KCNK2: variants seen among roughly 807,000 people sequenced by gnomAD.
KCNK2 encodes potassium two pore domain channel subfamily K member 2.
Under a neutral mutation model 40.5 loss-of-function variants are expected in KCNK2, and 21 were observed. The observed-to-expected ratio is 0.52, with a 90% confidence interval of 0.37 to 0.75. The LOEUF is 0.75. Ranked by LOEUF, KCNK2 falls within the 30% of genes least tolerant of loss-of-function variation. KCNK2 has a pLI of 0.00. For synonymous variants in KCNK2, 191 were observed against 202.2 expected (o/e 0.94, Z 0.47); for missense variants, 399 against 531.6 (o/e 0.75, Z 2.45).
chr1:215,181,264 T>G (rs1664205896), intron 5 of KCNK2, among the ~76,000 whole-genome samples: 1 of 152,182 alleles, frequency 6.6e-6, no homozygotes, highest in South Asian at 2.1e-4. Context: ...TAGATTGTTT[T>G]AGAAATTTCT....
chr1:215,235,197 C>A lies in KCNK2; in HGVS notation c.*52C>A. On this transcript the variant is annotated 3_prime_UTR_variant, in exon 7 of 7. Coordinates refer to ENST00000444842, the MANE Select transcript of KCNK2 (RefSeq NM_001017425.3). ...AGCCATAGGTGAGGACTTCTCTATGCTCTTTATGACTGTTGCTGGTAGCAT... is the reference window on the plus strand; with the variant it reads ...AGCCATAGGTGAGGACTTCTCTATGATCTTTATGACTGTTGCTGGTAGCAT... 2 of 1,428,572 alleles carry A rather than the reference C, an allele frequency of 1.4e-6. No homozygotes were observed. The highest frequency in any genetic ancestry group is 9.6e-7 in the Non-Finnish European group (1 of 1,046,598). 88.5% of individuals were successfully genotyped at this position (1,428,572 alleles called of 1,614,324 possible).
At chr1:215,157,662 A>C (rs1258819935) in intron 3 of KCNK2, among the ~76,000 whole-genome samples, 1 of 152,140 alleles carries the variant, frequency 6.6e-6, no homozygotes, top group Admixed American at 6.5e-5. Context: ...TGATAGTACT[A>C]TTTTACTTAA....
intron 1 of KCNK2, among the ~76,000 whole-genome samples, chr1:215,064,807 A>G (rs191860039): frequency 2.0e-4 from 31 of 152,280 alleles, no homozygotes; most frequent in Middle Eastern, 3.4e-3. Flanking sequence ...CCTATCTTGT[A>G]ATTATATTAT....
chr1:215,185,725 C>A (rs1187627038), intron 5 of KCNK2, among the ~76,000 whole-genome samples: 1 of 152,152 alleles, frequency 6.6e-6, no homozygotes, highest in African/African-American at 2.4e-5. Context: ...CTAACTTGAA[C>A]CTCCTCATCT....
intron 1 of KCNK2, among the ~76,000 whole-genome samples, chr1:215,056,956 A>C (rs1269874094): frequency 1.3e-5 from 2 of 152,230 alleles, no homozygotes; most frequent in Non-Finnish European, 2.9e-5. Flanking sequence ...TAGGAATAAT[A>C]TGAGTATTTA....
chr1:215,125,920 G>C (rs1381718370), intron 3 of KCNK2, among the ~76,000 whole-genome samples: 3 of 151,672 alleles, frequency 2.0e-5, no homozygotes, highest in African/African-American at 7.3e-5. Context: ...GCTCATCATA[G>C]TTATGAAGGA....
intron 1 of KCNK2, among the ~76,000 whole-genome samples, chr1:215,006,589 C>A (rs182709574): frequency 3.9e-5 from 6 of 152,056 alleles, no homozygotes; most frequent in Non-Finnish European, 8.8e-5. Context: ...CACAAGAATA[C>A]TGTTGTGGTC....
At chr1:215,202,651 T>C (rs1043987814) in intron 6 of KCNK2, among the ~76,000 whole-genome samples, 3 of 152,146 alleles carry the variant, frequency 2.0e-5, no homozygotes, top group African/African-American at 7.2e-5. Context: ...AAAAATGAAA[T>C]AGGACTTGAA....
chr1:215,065,429 GAAGTT>G (rs993841811), intron 1 of KCNK2, among the ~76,000 whole-genome samples: 25 of 152,208 alleles, frequency 1.6e-4, no homozygotes, highest in African/African-American at 6.0e-4. Flanking sequence ...AGGAAGAAGT[GAAGTT>G]AAGCATCAAA....
At chr1:215,022,754 C>T (rs1255105587) in intron 1 of KCNK2, among the ~76,000 whole-genome samples, 1 of 152,124 alleles carries the variant, frequency 6.6e-6, no homozygotes, top group African/African-American at 2.4e-5. Context: ...TCTAATCTGC[C>T]TTCTCCCTGA....
At position 215,034,089 on chromosome 1, in the gene KCNK2, G is replaced by A. The variant is rs184438096; in HGVS notation, c.34+28134G>A. Among the ~76,000 whole-genome samples the A allele has an allele frequency of 6.3e-4, 96 of 152,212 alleles. 1 individual carries two copies. In the South Asian group the frequency reaches 6.6e-3, roughly 11 times the overall value. The stretch of plus-strand genomic sequence containing the variant: ...CTCTTGTTGTTCTCTCCAATTTAGG[G>A]GGAATTGGTTTGTTCCATGATCTCA... On this transcript the variant is annotated intron_variant, in intron 1 of 6. Coordinates refer to the KCNK2 transcript ENST00000391895.
At chr1:215,208,972 C>A (rs1253079676) in intron 6 of KCNK2, among the ~76,000 whole-genome samples, 1 of 151,606 alleles carries the variant, frequency 6.6e-6, no homozygotes, top group Non-Finnish European at 1.5e-5. Context: ...GGATTACAGA[C>A]ACCTGCCACC....
upstream of KCNK2, among the ~76,000 whole-genome samples, chr1:215,081,243 G>A (rs1659145061): frequency 6.6e-6 from 1 of 151,626 alleles, no homozygotes; most frequent in Non-Finnish European, 1.5e-5. Context: ...AAATACCTTA[G>A]TCATGTAAAG....
At chr1:215,044,941 CG>C (rs1271936140) in intron 1 of KCNK2, among the ~76,000 whole-genome samples, 1 of 151,932 alleles carries the variant, frequency 6.6e-6, no homozygotes, top group Non-Finnish European at 1.5e-5. Flanking sequence ...GAGGCCTAGG[CG>C]GGTGGATCAC....
chr1:215,020,975 A>G (rs761909068), intron 1 of KCNK2, among the ~76,000 whole-genome samples: 1 of 152,144 alleles, frequency 6.6e-6, no homozygotes, highest in Non-Finnish European at 1.5e-5. Flanking sequence ...AAAAAATTCA[A>G]TCGTGGTGGG....
intron 1 of KCNK2, among the ~76,000 whole-genome samples, chr1:215,075,232 T>G (rs953855340): frequency 4.6e-5 from 7 of 152,234 alleles, no homozygotes; most frequent in Admixed American, 3.9e-4. Flanking sequence ...TATATGTTTG[T>G]TTTAATGTAA....
At chr1:215,160,873 T>G (rs1170007170) in intron 3 of KCNK2, among the ~76,000 whole-genome samples, 3 of 152,142 alleles carry the variant, frequency 2.0e-5, no homozygotes, top group African/African-American at 7.2e-5. Flanking sequence ...CCATATTCTG[T>G]GGCTCTCTCC....
rs376613155 is a variant in KCNK2 at position 215,199,300 on chromosome 1, C to T, written c.963+4208C>T. 1.8e-4 allele frequency among the ~76,000 whole-genome samples: 28 copies of T among 152,112 alleles called. 2 individuals are homozygous for T. In the South Asian group the frequency reaches 5.8e-3, roughly 32 times the overall value. The stretch of plus-strand genomic sequence containing the variant: ...CTCCAGCCTGGGTGACAGAGCAAGA[C>T]TCCATCTCCAAAAAAATAAAAATAA... On this transcript the variant is annotated intron_variant, in intron 6 of 6. Transcript: ENST00000444842.
chr1:215,039,904 C>T (rs763556886), intron 1 of KCNK2, among the ~76,000 whole-genome samples: 4 of 151,998 alleles, frequency 2.6e-5, no homozygotes, highest in South Asian at 2.1e-4. Flanking sequence ...TGTTGCCTTC[C>T]GGGAGAGTGG....
Sources: gnomAD v4.1 joint callset for allele counts (sites outside exome capture counted in the v4.1 genomes callset) on GRCh38, gnomAD v4.1.1 for gene constraint, MANE v1.5 for transcripts, NCBI Gene and HGNC (gene_info 2026-07-23, HGNC 2026-07-21) for gene names.